ZCCHC2: variants seen among roughly 807,000 people sequenced by gnomAD.
ZCCHC2 encodes zinc finger CCHC-type containing 2.
Under a neutral mutation model 103.6 loss-of-function variants are expected in ZCCHC2, and 39 were observed. The observed-to-expected ratio is 0.38, with a 90% CI of 0.29 to 0.49. ZCCHC2 has a LOEUF of 0.49. Ranked by LOEUF, ZCCHC2 falls within the 20% of genes least tolerant of loss-of-function variation. The pLI is 0.96. For synonymous variants in ZCCHC2, 687 were observed against 608.9 expected, an observed-to-expected ratio of 1.13 and a Z score of -1.89; for missense variants, 1,483 against 1,491.0, an observed-to-expected ratio of 0.99 and a Z score of 0.09.
chr18:62,567,557 C>G (rs1916419868), intron 11 of ZCCHC2, among the ~76,000 whole-genome samples: 1 of 152,214 alleles, frequency 6.6e-6, no homozygotes. Flanking sequence ...CGTCAGCTGT[C>G]TGTGTTGTTG....
intron 3 of ZCCHC2, among the ~76,000 whole-genome samples, chr18:62,542,971 C>G (rs1915263320): frequency 6.6e-6 from 1 of 152,088 alleles, no homozygotes; most frequent in Non-Finnish European, 1.5e-5. Flanking sequence ...GTCTTCTTAC[C>G]CATGATTGGT....
At position 62,523,421 on chromosome 18, in the gene ZCCHC2, G is replaced by A. The variant is rs758733153; in HGVS notation, c.-4G>A. 5.0e-6 allele frequency: 5 copies of A among 1,009,438 alleles called. No homozygotes were observed. The South Asian group carries it at 1.3e-4, about 26-fold the overall frequency. 62.5% of individuals were successfully genotyped at this position (1,009,438 alleles called of 1,614,324 possible). A position where few individuals can be genotyped will look rare whatever the true frequency, so the allele number is the denominator to read the frequency against. ...CTCGCATGTCTGCGCCGCCCTAGCC[G>A]AGGATGCTGAGGATGAAGCTGCCGC... On this transcript the variant is annotated 5_prime_UTR_variant, in exon 1 of 14. Transcript: ENST00000269499.
At chr18:62,537,883 G>C (rs1226012892) in intron 1 of ZCCHC2, among the ~76,000 whole-genome samples, 1 of 152,060 alleles carries the variant, frequency 6.6e-6, no homozygotes, top group African/African-American at 2.4e-5. Context: ...TACTATTTTT[G>C]TTTCCACCAT....
At chr18:62,559,687 G>A (rs529850050) in intron 7 of ZCCHC2, among the ~76,000 whole-genome samples, 3 of 152,314 alleles carry the variant, frequency 2.0e-5, no homozygotes, top group African/African-American at 4.8e-5. Flanking sequence ...AGCATTGTTT[G>A]CAAGGGCAAA....
At chr18:62,546,847 T>C (rs1488493285) in intron 4 of ZCCHC2, among the ~76,000 whole-genome samples, 1 of 152,220 alleles carries the variant, frequency 6.6e-6, no homozygotes, top group Admixed American at 6.5e-5. Flanking sequence ...TCATAGCAAT[T>C]GATGAACACC....
intron 11 of ZCCHC2, among the ~76,000 whole-genome samples, chr18:62,569,296 A>T (rs541363973): frequency 6.6e-6 from 1 of 152,298 alleles, no homozygotes; most frequent in South Asian, 2.1e-4. Context: ...TTGCCCGTGC[A>T]ATTAATACCC....
exon 15 of ZCCHC2, chr18:62,586,663 T>C (rs907152262): frequency 6.6e-6 from 1 of 152,146 alleles, no homozygotes; most frequent in African/African-American, 2.4e-5. Flanking sequence ...GAATGTTTAG[T>C]GACACGTGAA....
chr18:62,560,715 TTC>T, intron 8 of ZCCHC2, 71 bp downstream of exon 8: 1 of 1,089,884 alleles, frequency 9.2e-7, no homozygotes, highest in South Asian at 1.5e-5. Context: ...TTAATTAAAT[TTC>T]TGATGTATTT....
At chr18:62,527,666 A>G (rs1914494941) in intron 1 of ZCCHC2, among the ~76,000 whole-genome samples, 1 of 152,166 alleles carries the variant, frequency 6.6e-6, no homozygotes, top group Non-Finnish European at 1.5e-5. Flanking sequence ...CAAAGAGGCC[A>G]GGGAGCAGTA....
intron 13 of ZCCHC2, among the ~76,000 whole-genome samples, chr18:62,575,975 C>T (rs2998): frequency 0.17 from 25,702 of 151,184 alleles, 3,055 homozygotes; most frequent in African/African-American, 0.34. Flanking sequence ...ATCTGCATAA[C>T]CAGCTGCCTC....
At chr18:62,527,196 A>T (rs1914465358) in intron 1 of ZCCHC2, among the ~76,000 whole-genome samples, 1 of 152,160 alleles carries the variant, frequency 6.6e-6, no homozygotes, top group Non-Finnish European at 1.5e-5. Flanking sequence ...AAGTAAGGGT[A>T]TACTGGCCCA....
rs150642116 is a variant in ZCCHC2, at chr18:62,543,256, C to T, written c.1128+682C>T. Reference sequence around the variant, plus strand: ...CATTGCTTGCCAAATTTTGGCTGTCCCTCTCTCATGGAGTTATTTCTGACC... The same window carrying T: ...CATTGCTTGCCAAATTTTGGCTGTCTCTCTCTCATGGAGTTATTTCTGACC... On this transcript the variant is annotated intron_variant, in intron 3 of 13. Coordinates refer to ENST00000269499, the MANE Select transcript of ZCCHC2 (RefSeq NM_017742.6). Among the ~76,000 whole-genome samples the T allele has an allele frequency of 1.1e-3, 166 of 152,196 alleles. 1 individual carries two copies. The highest frequency in any genetic ancestry group is 3.9e-3 in the African/African-American group (164 of 41,526).
intron 8 of ZCCHC2, among the ~76,000 whole-genome samples, chr18:62,561,033 G>T (rs762699939): frequency 6.6e-6 from 1 of 152,136 alleles, no homozygotes; most frequent in African/African-American, 2.4e-5. Flanking sequence ...CTTGTAAGCC[G>T]TGGCTGTCAT....
intron 1 of ZCCHC2, 106 bp downstream of exon 1, chr18:62,524,469 G>T (rs1353835091): frequency 7.2e-7 from 1 of 1,394,642 alleles, no homozygotes; most frequent in South Asian, 1.6e-5. Flanking sequence ...CCCGGCGCAG[G>T]TGGCTCGGAA....
At chr18:62,540,915 T>TTC (rs1915142665) in intron 2 of ZCCHC2, among the ~76,000 whole-genome samples, 1 of 152,178 alleles carries the variant, frequency 6.6e-6, no homozygotes, top group Non-Finnish European at 1.5e-5. Flanking sequence ...AACTTGAAAT[T>TTC]ATCACTGAAG....
chr18:62,549,610 A>T (rs1915577968), intron 4 of ZCCHC2, among the ~76,000 whole-genome samples: 2 of 152,238 alleles, frequency 1.3e-5, no homozygotes, highest in African/African-American at 4.8e-5. Context: ...TTTAAAACTG[A>T]ATTTTTCAAA....
At chr18:62,524,503 C>T (rs1914258430) in intron 1 of ZCCHC2, 140 bp downstream of exon 1, 3 of 1,321,040 alleles carry the variant, frequency 2.3e-6, no homozygotes, top group Admixed American at 3.4e-5. Context: ...GCTCCCAGCG[C>T]CAGAGGGCTG....
At chr18:62,558,019 GTT>G (rs58635928) in intron 6 of ZCCHC2, among the ~76,000 whole-genome samples, 8 of 146,942 alleles carry the variant, frequency 5.4e-5, no homozygotes, top group Admixed American at 6.8e-5. Context: ...ACACTGTTGG[GTT>G]TTTTTTTTTT....
chr18:62,549,082 G>A (rs1048597609), intron 4 of ZCCHC2, among the ~76,000 whole-genome samples: 4 of 152,090 alleles, frequency 2.6e-5, no homozygotes, highest in Non-Finnish European at 5.9e-5. Flanking sequence ...AGCTGGGGGA[G>A]GGGGCGGGTG....
Sources: gnomAD v4.1 joint callset for allele counts (sites outside exome capture counted in the v4.1 genomes callset) on GRCh38, gnomAD v4.1.1 for gene constraint, MANE v1.5 for transcripts, NCBI Gene and HGNC (gene_info 2026-07-23, HGNC 2026-07-21) for gene names.